NGEF: variants seen among roughly 807,000 people sequenced by gnomAD.
NGEF encodes the protein neuronal guanine nucleotide exchange factor.
In NGEF, 31 loss-of-function variants were observed where a neutral mutation model predicts 80.9. The observed-to-expected ratio is 0.38, with a 90% CI of 0.29 to 0.52. NGEF has a LOEUF of 0.52. Among genes scored for constraint, NGEF ranks in the 20% least tolerant of loss-of-function variants. The pLI, the probability that NGEF is intolerant of heterozygous loss-of-function variation, is 0.84. For synonymous variants in NGEF, 371 were observed against 370.2 expected, an observed-to-expected ratio of 1.00 and a Z score of -0.03; for missense variants, 709 against 926.2, an observed-to-expected ratio of 0.77 and a Z score of 3.04.
intron 3 of NGEF, 24 bp from the exon 4 acceptor site, chr2:232,927,210 G>A (rs758851674): frequency 6.5e-7 from 1 of 1,537,032 alleles, no homozygotes. Context: ...AGGAGGACAG[G>A]GGCTGGTTAT....
chr2:232,951,219 C>T (rs563767981), intron 3 of NGEF, among the ~76,000 whole-genome samples: 11 of 152,286 alleles, frequency 7.2e-5, no homozygotes, highest in South Asian at 2.1e-4. Flanking sequence ...GGTGGCCACG[C>T]GCTACCTCGA....
intron 3 of NGEF, among the ~76,000 whole-genome samples, chr2:232,968,308 G>A (rs1007614408): frequency 2.0e-5 from 3 of 151,900 alleles, no homozygotes; most frequent in Non-Finnish European, 4.4e-5. Context: ...GGCTGGTCTT[G>A]AACTCCTAAC....
chr2:233,011,111 T>G (rs113484666), intron 1 of NGEF, among the ~76,000 whole-genome samples: 2,374 of 152,148 alleles, frequency 0.016, 66 homozygotes, highest in African/African-American at 0.054. Flanking sequence ...TGTGCTCTTT[T>G]CACCAAGCGG....
At chr2:233,002,711 A>T (rs1409671803) in intron 1 of NGEF, among the ~76,000 whole-genome samples, 1 of 152,188 alleles carries the variant, frequency 6.6e-6, no homozygotes, top group Non-Finnish European at 1.5e-5. Context: ...CAATTGATTG[A>T]CGTTCAGGAA....
intron 8 of NGEF, among the ~76,000 whole-genome samples, chr2:232,889,662 C>T (rs571666912): frequency 2.0e-5 from 3 of 152,340 alleles, no homozygotes; most frequent in Admixed American, 2.0e-4. Flanking sequence ...CACGGAACTG[C>T]GTTCATCACA....
At chr2:232,956,027 G>A (rs7602554) in intron 3 of NGEF, among the ~76,000 whole-genome samples, 62,547 of 152,088 alleles carry the variant, frequency 0.41, 15,195 homozygotes, top group Non-Finnish European at 0.53. Flanking sequence ...TCCCCCAAAC[G>A]TGACTGCAGT....
chr2:232,894,662 A>C, intron 6 of NGEF, 94 bp downstream of exon 6: 1 of 1,175,942 alleles, frequency 8.5e-7, no homozygotes, highest in Non-Finnish European at 1.2e-6. Context: ...GAAGTAGAGA[A>C]GCCAGTATCG....
At chr2:232,995,093 A>ACACTG (rs1694756708) in intron 1 of NGEF, among the ~76,000 whole-genome samples, 1 of 22,638 alleles carries the variant, frequency 4.4e-5, no homozygotes, top group African/African-American at 1.3e-4. Context: ...TACAGTATGT[A>ACACTG]TATGTGTACA....
chr2:232,966,658 T>C (rs898241852), intron 3 of NGEF, among the ~76,000 whole-genome samples: 2 of 152,216 alleles, frequency 1.3e-5, no homozygotes, highest in African/African-American at 4.8e-5. Context: ...TCACTCCCCC[T>C]TTCATCTAGT....
intron 1 of NGEF, among the ~76,000 whole-genome samples, chr2:232,989,149 G>T (rs1417069995): frequency 6.6e-6 from 1 of 152,026 alleles, no homozygotes; most frequent in Non-Finnish European, 1.5e-5. Flanking sequence ...TACATTTTTG[G>T]TTCTTAAAGC....
chr2:232,898,026 C>G (rs938810899), intron 5 of NGEF, among the ~76,000 whole-genome samples: 1 of 151,908 alleles, frequency 6.6e-6, no homozygotes, highest in Non-Finnish European at 1.5e-5. Flanking sequence ...CCGAGTCGGC[C>G]AGTGTCCACC....
intron 4 of NGEF, among the ~76,000 whole-genome samples, chr2:232,924,485 T>C (rs1693017678): frequency 6.6e-6 from 1 of 152,112 alleles, no homozygotes; most frequent in Non-Finnish European, 1.5e-5. Context: ...CTGGAACAGA[T>C]TAAGATACTG....
chr2:232,943,658 A>G (rs372514168), intron 3 of NGEF, among the ~76,000 whole-genome samples: 47 of 151,250 alleles, frequency 3.1e-4, no homozygotes, highest in South Asian at 8.4e-4. Context: ...ACTAGACCCG[A>G]CTAATTTTTT....
chr2:232,887,537 C>T (rs1165962002), intron 9 of NGEF, among the ~76,000 whole-genome samples: 1 of 151,982 alleles, frequency 6.6e-6, no homozygotes, highest in Non-Finnish European at 1.5e-5. Flanking sequence ...GAGCAAAGGG[C>T]TTCATCAGGG....
chr2:232,901,294 GAT>G, intron 5 of NGEF: 1 of 902,350 alleles, frequency 1.1e-6, no homozygotes, highest in Non-Finnish European at 1.3e-6. Flanking sequence ...TCCGCACTCG[GAT>G]CAACCCTGCG....
chr2:232,976,656 A>G (rs938573), intron 1 of NGEF, among the ~76,000 whole-genome samples: 89,111 of 152,072 alleles, frequency 0.59, 27,304 homozygotes, highest in African/African-American at 0.73. Flanking sequence ...TGCAGGGCTG[A>G]TCCTGTTCTA....
intron 10 of NGEF, chr2:232,884,898 G>C (rs1449574635): frequency 5.7e-6 from 1 of 175,244 alleles, no homozygotes; most frequent in East Asian, 1.6e-4. Context: ...TGTGAAGTTT[G>C]GGGGAAGCTG....
chr2:232,951,761 A>G (rs1419992969), intron 3 of NGEF, among the ~76,000 whole-genome samples: 2 of 152,120 alleles, frequency 1.3e-5, no homozygotes, highest in Admixed American at 1.3e-4. Flanking sequence ...AAATCCCAAC[A>G]TGTTGTTTAG....
chr2:233,004,970 C>A (rs79253018), intron 1 of NGEF, among the ~76,000 whole-genome samples: 11,228 of 127,548 alleles, frequency 0.088, 625 homozygotes, highest in African/African-American at 0.17. Flanking sequence ...AAACCAAAAA[C>A]AAAAAAAAGA....
Sources: allele counts gnomAD v4.1 joint callset (sites outside exome capture counted in the v4.1 genomes callset), GRCh38; gene constraint gnomAD v4.1.1; transcripts MANE v1.5; gene names NCBI Gene and HGNC (gene_info 2026-07-23, HGNC 2026-07-21).